Variants in TDRD5 observed in about 807,000 individuals in gnomAD.
TDRD5 encodes the protein tudor domain containing 5.
TDRD5 carries 41 observed loss-of-function variants against 120.6 expected under a neutral mutation model. The ratio of observed to expected loss-of-function variants is 0.34; its 90% CI spans 0.26 to 0.44. The LOEUF (loss-of-function observed/expected upper bound fraction) is 0.44. Among genes scored for constraint, TDRD5 ranks in the 20% least tolerant of loss-of-function variants. The probability of loss-of-function intolerance (pLI) is 1.00; values close to 1 mark genes in which losing one functional copy is unlikely to be tolerated. For missense variants in TDRD5, 1,006 were observed against 1,221.2 expected (o/e 0.82, Z 2.63); for synonymous variants, 430 against 433.7 (o/e 0.99, Z 0.11).
intron 4 of TDRD5, among the ~76,000 whole-genome samples, chr1:179,609,524 G>GCCTT (rs1048549811): frequency 6.6e-6 from 1 of 152,020 alleles, no homozygotes; most frequent in Non-Finnish European, 1.5e-5. Flanking sequence ...TTCAACCTAT[G>GCCTT]CCTTAATCTT....
At chr1:179,634,355 G>T in intron 7 of TDRD5, 102 bp from the exon 8 acceptor site, 1 of 1,217,936 alleles carries the variant, frequency 8.2e-7, no homozygotes. Context: ...TGTGTTGAAG[G>T]TGCTTAGTAA....
intron 4 of TDRD5, among the ~76,000 whole-genome samples, chr1:179,613,925 A>G (rs1676420664): frequency 6.6e-6 from 1 of 152,198 alleles, no homozygotes; most frequent in African/African-American, 2.4e-5. Context: ...CTTTGTAAGA[A>G]ATGTATTAAT....
chr1:179,619,046 A>G (rs571048870), intron 5 of TDRD5, among the ~76,000 whole-genome samples: 1 of 152,262 alleles, frequency 6.6e-6, no homozygotes, highest in East Asian at 1.9e-4. Context: ...TGTTTCATGT[A>G]GAGATCCATG....
intron 16 of TDRD5, among the ~76,000 whole-genome samples, chr1:179,664,567 T>C (rs1679469069): frequency 6.6e-6 from 1 of 152,192 alleles, no homozygotes; most frequent in African/African-American, 2.4e-5. Flanking sequence ...TGGTTTTCTG[T>C]GATTGTCTTC....
At chr1:179,597,337 T>TC (rs1675450283) in intron 4 of TDRD5, among the ~76,000 whole-genome samples, 1 of 146,452 alleles carries the variant, frequency 6.8e-6, no homozygotes, top group East Asian at 2.0e-4. Context: ...TTTTTCTTTT[T>TC]TTTTTTTTTT....
intron 4 of TDRD5, among the ~76,000 whole-genome samples, chr1:179,615,640 A>G (rs1289063075): frequency 1.3e-5 from 2 of 152,096 alleles, no homozygotes; most frequent in East Asian, 1.9e-4. Flanking sequence ...TTACCTCCCA[A>G]TCTTACTTTT....
chr1:179,683,200 TAC>T (rs1332247068), intron 17 of TDRD5, among the ~76,000 whole-genome samples: 2 of 152,218 alleles, frequency 1.3e-5, no homozygotes, highest in Non-Finnish European at 2.9e-5. Context: ...CAAAAGCACT[TAC>T]AGTTTGCCTT....
intron 4 of TDRD5, 58 bp from the exon 5 acceptor site, chr1:179,618,541 C>T (rs1676676467): frequency 2.2e-6 from 3 of 1,341,794 alleles, no homozygotes; most frequent in African/African-American, 1.5e-5. Flanking sequence ...TTAGATCTAC[C>T]TTTGACTTTC....
intron 4 of TDRD5, among the ~76,000 whole-genome samples, chr1:179,613,995 T>C (rs1676426034): frequency 6.6e-6 from 1 of 152,258 alleles, no homozygotes; most frequent in Non-Finnish European, 1.5e-5. Flanking sequence ...CTTCTGTTTC[T>C]TTCTGCTTTT....
At chr1:179,654,069 G>T (rs1391852219) in intron 13 of TDRD5, 132 bp from the exon 14 acceptor site, 1 of 699,864 alleles carries the variant, frequency 1.4e-6, no homozygotes, top group Non-Finnish European at 2.2e-6. Flanking sequence ...CTAGGATCAT[G>T]GATAAAGCTA....
chr1:179,690,904 C>G lies in TDRD5; in HGVS notation c.3069C>G (p.Leu1023=), dbSNP rs769082682. 6.2e-7 allele frequency: 1 copy of G among 1,614,040 alleles called. No homozygotes were observed. The highest frequency in any genetic ancestry group is 2.2e-5 in the East Asian group (1 of 44,880). The change falls in exon 18 of 18, where the codon CTC becomes CTG. Residue 1023 remains leucine, a synonymous_variant. Coordinates refer to ENST00000444136, the MANE Select transcript of TDRD5 (RefSeq NM_001199085.3). ...CACGGTTAGCTACATCCAGGAGCCT[C>G]CTACACTGGTACCCCAGTGTGAAAA... is the stretch of plus-strand genomic sequence containing the variant. ...AAARLATSRS[L]LHWYPSVKRM...
intron 3 of TDRD5, 97 bp from the exon 4 acceptor site, chr1:179,595,531 G>A: frequency 9.6e-7 from 1 of 1,037,578 alleles, no homozygotes; most frequent in Non-Finnish European, 1.3e-6. Context: ...TAAGTTGAAG[G>A]CAGTTAGCTC....
At chr1:179,595,090 A>G (rs960483889) in intron 3 of TDRD5, among the ~76,000 whole-genome samples, 1 of 151,984 alleles carries the variant, frequency 6.6e-6, no homozygotes, top group African/African-American at 2.4e-5. Flanking sequence ...CCTTAGGGTA[A>G]AGGAAGAGCT....
At chr1:179,648,077 C>T (rs1335904299) in intron 11 of TDRD5, among the ~76,000 whole-genome samples, 3 of 151,440 alleles carry the variant, frequency 2.0e-5, no homozygotes, top group Admixed American at 6.6e-5. Flanking sequence ...TACCATTTGA[C>T]GCAGCCATCC....
upstream of TDRD5, chr1:179,591,785 A>ACG (rs1239834014): frequency 7.2e-5 from 11 of 152,518 alleles, no homozygotes; most frequent in East Asian, 2.1e-3. Flanking sequence ...CGGGGCTGGA[A>ACG]CGCGGCGCCC....
intron 17 of TDRD5, among the ~76,000 whole-genome samples, chr1:179,680,471 A>C (rs1680363970): frequency 6.6e-6 from 1 of 152,140 alleles, no homozygotes; most frequent in Non-Finnish European, 1.5e-5. Context: ...AAGCTCTGTT[A>C]ATTAGGGTTG....
intron 4 of TDRD5, among the ~76,000 whole-genome samples, chr1:179,613,557 A>G (rs1378879027): frequency 6.6e-6 from 1 of 152,236 alleles, no homozygotes; most frequent in Non-Finnish European, 1.5e-5. Flanking sequence ...GGATTTTTCA[A>G]CATCTTGAAG....
Position 179,675,282 on chromosome 1 carries a change from T to A in TDRD5, c.2860+5878T>A, listed in dbSNP as rs1389331193. Reference sequence around the variant, plus strand: ...TATTATTATTATTATTATTTTTTTTTTTTTTTTTTTTTTTTGAGACGGAGT... The same window carrying A: ...TATTATTATTATTATTATTTTTTTTATTTTTTTTTTTTTTTGAGACGGAGT... On this transcript the variant is annotated intron_variant, in intron 17 of 17. Coordinates refer to ENST00000444136, the MANE Select transcript of TDRD5 (RefSeq NM_001199085.3). 5.6e-4 allele frequency among the ~76,000 whole-genome samples: 73 copies of A among 129,572 alleles called. No individual in the cohort carries two copies. The East Asian group carries it at 0.011, about 19-fold the overall frequency. 85.0% of individuals were successfully genotyped at this position (129,572 alleles called of 152,430 possible). A position where few individuals can be genotyped will look rare whatever the true frequency, so the allele number is the denominator to read the frequency against.
chr1:179,618,497 G>A (rs1239128894), intron 4 of TDRD5, 102 bp from the exon 5 acceptor site: 7 of 697,764 alleles, frequency 1.0e-5, no homozygotes, highest in East Asian at 2.9e-5. Flanking sequence ...ATTGCAATAT[G>A]TCTCCTTTTA....
Sources: gnomAD v4.1 joint callset for allele counts (sites outside exome capture counted in the v4.1 genomes callset) on GRCh38, gnomAD v4.1.1 for gene constraint, MANE v1.5 for transcripts, NCBI Gene and HGNC (gene_info 2026-07-23, HGNC 2026-07-21) for gene names.